HOOK3: variants seen among roughly 807,000 people sequenced by gnomAD.
HOOK3 encodes the protein protein Hook homolog 3.
In HOOK3, 24 loss-of-function variants were observed where a neutral mutation model predicts 116.3. The observed-to-expected ratio is 0.21, with a 90% CI of 0.15 to 0.29. The LOEUF (loss-of-function observed/expected upper bound fraction) is 0.29. HOOK3 is among the 10% of genes least tolerant of loss of function. The pLI is 1.00. For synonymous variants in HOOK3, 275 were observed against 283.0 expected, an observed-to-expected ratio of 0.97 and a Z score of 0.28; for missense variants, 632 against 830.2, an observed-to-expected ratio of 0.76 and a Z score of 2.93.
chr8:42,998,756 C>T (rs1483145754), intron 16 of HOOK3, among the ~76,000 whole-genome samples: 1 of 152,110 alleles, frequency 6.6e-6, no homozygotes, highest in Non-Finnish European at 1.5e-5. Context: ...TTGTTAGATT[C>T]CCAGATTGAT....
In HOOK3 at chr8:42,997,535, A is replaced by G. The variant is rs931606898; in HGVS notation, c.1533-15A>G. 7.8e-6 allele frequency: 12 copies of G among 1,540,394 alleles called. No individual in the cohort carries two copies. Among genetic ancestry groups the G allele is most frequent in the Middle Eastern group, 1.7e-4 (1 of 5,852 alleles). ...AACTCACCACTTGGAAAATTAATGT[A>G]CATTTCATTTCTAGGCTGGTGAATC... is the stretch of plus-strand genomic sequence containing the variant. On this transcript the variant is annotated splice_polypyrimidine_tract_variant and intron_variant, in intron 15 of 21. Coordinates refer to ENST00000307602, the MANE Select transcript of HOOK3 (RefSeq NM_032410.4).
At chr8:42,962,071 G>A (rs975917082) in intron 8 of HOOK3, among the ~76,000 whole-genome samples, 2 of 151,652 alleles carry the variant, frequency 1.3e-5, no homozygotes, top group Non-Finnish European at 2.9e-5. Flanking sequence ...ACAGGTGTGA[G>A]CCACCTCATC....
chr8:43,000,215 GT>G, intron 16 of HOOK3: 1 of 1,174,936 alleles, frequency 8.5e-7, no homozygotes, highest in African/African-American at 1.6e-5. Flanking sequence ...CTTGGCTGCT[GT>G]GTTTGCTTCA....
chr8:42,934,664 T>C (rs779290312), intron 4 of HOOK3, among the ~76,000 whole-genome samples: 181 of 152,142 alleles, frequency 1.2e-3, no homozygotes, highest in Non-Finnish European at 2.2e-3. Context: ...GTCCTTGTGA[T>C]AGTTTGCTCA....
At chr8:42,914,609 A>G (rs1563289810) in intron 2 of HOOK3, among the ~76,000 whole-genome samples, 1 of 152,112 alleles carries the variant, frequency 6.6e-6, no homozygotes, top group Non-Finnish European at 1.5e-5. Context: ...CTGAGATTCC[A>G]TGGCCAATCA....
At chr8:42,904,265 C>T (rs1249762336) in intron 1 of HOOK3, among the ~76,000 whole-genome samples, 1 of 146,976 alleles carries the variant, frequency 6.8e-6, no homozygotes, top group African/African-American at 2.5e-5. Flanking sequence ...CTTCCTGTCT[C>T]TTTCCCTCCA....
At chr8:42,939,614 C>T (rs1410662654) in intron 4 of HOOK3, among the ~76,000 whole-genome samples, 15 of 147,938 alleles carry the variant, frequency 1.0e-4, no homozygotes, top group Middle Eastern at 3.7e-3. Context: ...GCTGGCCGGG[C>T]GGGGGGCTGA....
chr8:42,910,329 G>A (rs1031015512), intron 2 of HOOK3, among the ~76,000 whole-genome samples: 4 of 152,006 alleles, frequency 2.6e-5, no homozygotes, highest in Non-Finnish European at 5.9e-5. Flanking sequence ...TTAGTTTTCA[G>A]TCTTTCTTTC....
intron 15 of HOOK3, among the ~76,000 whole-genome samples, chr8:42,991,362 T>A (rs953927440): frequency 1.3e-5 from 2 of 151,934 alleles, no homozygotes; most frequent in South Asian, 2.1e-4. Context: ...TTGTTTTGAA[T>A]CTGTAGATAG....
Position 43,010,321 on chromosome 8 carries a change from A to G in HOOK3, c.1755A>G (p.Glu585=), listed in dbSNP as rs1286592875. The change falls in exon 19 of 22, where the codon GAA becomes GAG. Residue 585 remains glutamate (E), a synonymous_variant. Transcript: ENST00000307602. ...RFNNSSLKIE[E]LQEALRKKEE... ...CATCTGCAGCCTTAAAAATTGAAGA[A>G]TTACAAGAAGCTTTACGAAAGAAAG... 1.5e-5 allele frequency: 21 copies of G among 1,419,662 alleles called. No individual in the cohort carries two copies. Among genetic ancestry groups the G allele is most frequent in the Non-Finnish European group, 2.0e-5 (21 of 1,072,250 alleles). 87.9% of individuals were successfully genotyped at this position (1,419,662 alleles called of 1,614,324 possible).
Position 43,020,553 on chromosome 8 carries a change from A to C in HOOK3, c.*2055A>C, listed in dbSNP as rs1809805563. ...AACATGGTGAAACCCCATCTCTACT[A>C]AATTACAAAAATTAGCTGGGCATGG... is the stretch of plus-strand genomic sequence containing the variant. On this transcript the variant is annotated 3_prime_UTR_variant, in exon 22 of 22. Transcript: ENST00000307602. 5.7e-6 allele frequency: 1 copy of C among 176,078 alleles called. No homozygotes were observed. Among genetic ancestry groups the C allele is most frequent in the Non-Finnish European group, 1.2e-5 (1 of 81,848 alleles). The allele number at this position is 176,078 out of a possible 1,614,324, so 10.9% of individuals were successfully genotyped here.
At chr8:43,016,356 A>G (rs897926276) in intron 21 of HOOK3, among the ~76,000 whole-genome samples, 2 of 151,642 alleles carry the variant, frequency 1.3e-5, no homozygotes, top group East Asian at 2.0e-4. Flanking sequence ...TCCTGACTTC[A>G]TGATCCACCC....
rs117408521 is a variant in HOOK3, at chr8:42,960,358, T to C, written c.615+1044T>C. Among the ~76,000 whole-genome samples the C allele has an allele frequency of 1.0e-3, 155 of 152,258 alleles. 1 individual carries two copies. The East Asian group carries it at 0.028, about 27-fold the overall frequency. On this transcript the variant is annotated intron_variant, in intron 8 of 21. Coordinates refer to ENST00000307602, the MANE Select transcript of HOOK3 (RefSeq NM_032410.4). ...TTTGCCAATCCCAGGTATGGACAGA[T>C]TGCAAAATGAATGATAGTGTTGCAG...
At chr8:42,918,140 C>T (rs1379822820) in intron 2 of HOOK3, among the ~76,000 whole-genome samples, 1 of 152,124 alleles carries the variant, frequency 6.6e-6, no homozygotes, top group Non-Finnish European at 1.5e-5. Context: ...GAGTTCGAGA[C>T]CAGCCTGGCC....
intron 4 of HOOK3, among the ~76,000 whole-genome samples, chr8:42,941,201 C>A (rs1808112856): frequency 6.7e-6 from 1 of 150,262 alleles, no homozygotes. Flanking sequence ...CCCGCCTTGG[C>A]CTCCCGAAGT....
chr8:42,976,562 T>C (rs1167162596), intron 13 of HOOK3, among the ~76,000 whole-genome samples: 1 of 152,050 alleles, frequency 6.6e-6, no homozygotes, highest in Non-Finnish European at 1.5e-5. Context: ...AAAGACTTAA[T>C]TGCAATTTGA....
chr8:43,011,752 A>G (rs2130488768), intron 19 of HOOK3, among the ~76,000 whole-genome samples: 1 of 152,236 alleles, frequency 6.6e-6, no homozygotes, highest in Middle Eastern at 3.4e-3. Context: ...GGTGGCATGC[A>G]CCTGTAATCC....
intron 16 of HOOK3, chr8:43,000,239 C>A (rs1809353591): frequency 1.4e-5 from 18 of 1,274,726 alleles, no homozygotes; most frequent in Non-Finnish European, 1.7e-5. Flanking sequence ...CTAATTTGTC[C>A]TCTCTGTCTC....
intron 4 of HOOK3, among the ~76,000 whole-genome samples, chr8:42,932,045 A>G (rs1216994205): frequency 6.6e-6 from 1 of 152,044 alleles, no homozygotes; most frequent in East Asian, 1.9e-4. Flanking sequence ...TGGCCACCCC[A>G]TTATATTATT....
Sources: allele counts gnomAD v4.1 joint callset (sites outside exome capture counted in the v4.1 genomes callset), GRCh38; gene constraint gnomAD v4.1.1; transcripts MANE v1.5; gene names NCBI Gene and HGNC (gene_info 2026-07-23, HGNC 2026-07-21).